LINC00632: variants seen among roughly 807,000 people sequenced by gnomAD.
The protein encoded by LINC00632 is ALDOA related specific transcript.
chrX:140,765,761 G>T lies in LINC00632; in HGVS notation n.192-6317G>T, dbSNP rs145487271. 6.4e-3 allele frequency among the ~76,000 whole-genome samples: 709 copies of T among 111,622 alleles called. 5 individuals carry two copies. The highest frequency in any genetic ancestry group is 0.014 in the Middle Eastern group (3 of 216). ...ATTCTTACCCCTAGAGCCATTTAAT[G>T]CTGATCTTGAATTGTTTGCTGCTAT... On this transcript the variant is annotated intron_variant and non_coding_transcript_variant, in intron 3 of 4. Coordinates refer to ENST00000648200, the Ensembl canonical transcript of LINC00632.
chrX:140,741,780 T>C (rs1180008515), intron 3 of LINC00632, among the ~76,000 whole-genome samples: 1 of 112,193 alleles, frequency 8.9e-6, no homozygotes, highest in Non-Finnish European at 1.9e-5. Context: ...AATGCAAGAA[T>C]GCCTATAGAT....
exon 5 of LINC00632, chrX:140,783,666 C>T (rs1425899814): frequency 1.9e-5 from 23 of 1,209,437 alleles, no homozygotes; most frequent in Non-Finnish European, 2.5e-5. Flanking sequence ...CCAGGTCTTC[C>T]AGTCAGTCAG....
intron 2 of LINC00632, chrX:140,716,118 T>A (rs933627872): frequency 1.8e-5 from 2 of 112,013 alleles, no homozygotes; most frequent in East Asian, 5.6e-4. Flanking sequence ...ACTCCTACAA[T>A]GTAAAGATTT....
chrX:140,786,311 G>A (rs769162621), exon 5 of LINC00632, among the ~76,000 whole-genome samples: 1 of 111,633 alleles, frequency 9.0e-6, no homozygotes, highest in South Asian at 3.8e-4. Flanking sequence ...GCTTAAAATC[G>A]TCTGTGGGAA....
intron 3 of LINC00632, among the ~76,000 whole-genome samples, chrX:140,763,095 CA>C (rs201359573): frequency 9.0e-6 from 1 of 111,613 alleles, no homozygotes; most frequent in Admixed American, 9.5e-5. Flanking sequence ...AGACTATAGA[CA>C]AAAAAATTCA....
chrX:140,788,892 CAT>C (rs1221448621), exon 5 of LINC00632, among the ~76,000 whole-genome samples: 1 of 45,496 alleles, frequency 2.2e-5, no homozygotes, highest in African/African-American at 8.0e-5. Flanking sequence ...CATATATACA[CAT>C]ATATGTGTAT....
exon 5 of LINC00632, chrX:140,783,791 C>A: frequency 8.3e-7 from 1 of 1,209,234 alleles, no homozygotes. Context: ...AGATCCACGT[C>A]TTCCAGAAAA....
intron 3 of LINC00632, among the ~76,000 whole-genome samples, chrX:140,762,064 TGTG>T (rs767080292): frequency 8.9e-6 from 1 of 111,784 alleles, no homozygotes; most frequent in African/African-American, 3.3e-5. Context: ...ATCACAGAAT[TGTG>T]GTGAGGGAGG....
At chrX:140,741,443 T>C (rs1220668157) in intron 3 of LINC00632, among the ~76,000 whole-genome samples, 2 of 111,746 alleles carry the variant, frequency 1.8e-5, no homozygotes, top group African/African-American at 6.5e-5. Context: ...TGGATGCAAA[T>C]TGCAGAAATG....
chrX:140,779,037 G>C (rs1482994099), exon 5 of LINC00632, among the ~76,000 whole-genome samples: 4 of 111,934 alleles, frequency 3.6e-5, no homozygotes, highest in Non-Finnish European at 7.5e-5. Flanking sequence ...GGTAGAAATA[G>C]AAGTTAATGA....
At chrX:140,784,162 A>T in exon 5 of LINC00632, 1 of 1,211,484 alleles carries the variant, frequency 8.3e-7, no homozygotes. Context: ...GCTTCCGAAA[A>T]ATCCAGGTCT....
chrX:140,737,284 A>G (rs1365389939), intron 3 of LINC00632, among the ~76,000 whole-genome samples: 1 of 111,577 alleles, frequency 9.0e-6, no homozygotes, highest in African/African-American at 3.3e-5. Context: ...TGATCACATA[A>G]TTTCTGAAAT....
chrX:140,709,783 G>A (rs763485967), exon 1 of LINC00632: 4 of 340,772 alleles, frequency 1.2e-5, no homozygotes, highest in South Asian at 1.0e-4. Flanking sequence ...CCTCAGAGCT[G>A]GTGGGGAGAC....
exon 5 of LINC00632, among the ~76,000 whole-genome samples, chrX:140,776,897 C>T (rs1483123471): frequency 3.6e-5 from 4 of 111,160 alleles, no homozygotes; most frequent in African/African-American, 1.3e-4. Context: ...CCCGAATGCC[C>T]ATCAATGATA....
At chrX:140,786,588 A>G (rs1185298227) in exon 5 of LINC00632, among the ~76,000 whole-genome samples, 1 of 111,318 alleles carries the variant, frequency 9.0e-6, no homozygotes, top group African/African-American at 3.3e-5. Context: ...CCTGCTACTC[A>G]TTTTGCCTTA....
intron 3 of LINC00632, among the ~76,000 whole-genome samples, chrX:140,752,093 C>T (rs1051215985): frequency 8.9e-6 from 1 of 111,769 alleles, no homozygotes; most frequent in African/African-American, 3.3e-5. Context: ...CTGACTGCCA[C>T]TGCCTTTGCC....
intron 2 of LINC00632, among the ~76,000 whole-genome samples, chrX:140,724,583 C>T (rs1045773541): frequency 2.0e-4 from 14 of 68,748 alleles, no homozygotes; most frequent in African/African-American, 3.7e-4. Flanking sequence ...ATTCCATACA[C>T]GCACAGACAC....
exon 5 of LINC00632, chrX:140,784,195 G>A (rs761192364): frequency 3.5e-5 from 43 of 1,211,352 alleles, no homozygotes; most frequent in Non-Finnish European, 4.8e-5. Flanking sequence ...GTGTCTTCCA[G>A]CAAATCCACG....
At chrX:140,712,723 A>C (rs1158269978) in intron 2 of LINC00632, among the ~76,000 whole-genome samples, 1 of 110,627 alleles carries the variant, frequency 9.0e-6, no homozygotes, top group Non-Finnish European at 1.9e-5. Context: ...GAGATGGGTT[A>C]AATATTGCCC....
Sources: gnomAD v4.1 joint callset for allele counts (sites outside exome capture counted in the v4.1 genomes callset) on GRCh38, gnomAD v4.1.1 for gene constraint, MANE v1.5 for transcripts, NCBI Gene and HGNC (gene_info 2026-07-23, HGNC 2026-07-21) for gene names.